GABRB1: variants seen among roughly 807,000 people sequenced by gnomAD.
GABRB1 encodes gamma-aminobutyric acid type A receptor subunit beta1.
GABRB1 carries 17 observed loss-of-function variants against 51.6 expected under a neutral mutation model. The ratio of observed to expected loss-of-function variants is 0.33; its 90% CI spans 0.23 to 0.49. The LOEUF is 0.49. Ranked by LOEUF, GABRB1 falls within the 20% of genes least tolerant of loss-of-function variation. The probability of loss-of-function intolerance (pLI) is 0.99; values close to 1 mark genes in which losing one functional copy is unlikely to be tolerated. For synonymous variants in GABRB1, 247 were observed against 218.9 expected, an observed-to-expected ratio of 1.13 and a Z score of -1.14; for missense variants, 410 against 600.6, an observed-to-expected ratio of 0.68 and a Z score of 3.32.
chr4:47,133,995 T>C (rs572837251), intron 3 of GABRB1, among the ~76,000 whole-genome samples: 2 of 152,342 alleles, frequency 1.3e-5, no homozygotes, highest in South Asian at 2.1e-4. Flanking sequence ...AAAATACTAA[T>C]CTTTCATTTT....
At chr4:47,190,804 A>G (rs1173156802) in intron 4 of GABRB1, among the ~76,000 whole-genome samples, 1 of 152,118 alleles carries the variant, frequency 6.6e-6, no homozygotes, top group African/African-American at 2.4e-5. Flanking sequence ...GTGGGGCCTG[A>G]GATCGTAGGG....
At chr4:47,161,608 A>G (rs540477833) in intron 4 of GABRB1, 139 bp downstream of exon 4, 1 of 663,934 alleles carries the variant, frequency 1.5e-6, no homozygotes, top group Admixed American at 2.9e-5. Context: ...ATGAAGGTCT[A>G]TTACAAACCC....
At chr4:47,322,979 C>CAA (rs1725138608) in intron 5 of GABRB1, among the ~76,000 whole-genome samples, 1 of 151,272 alleles carries the variant, frequency 6.6e-6, no homozygotes, top group South Asian at 2.1e-4. Flanking sequence ...AAAACAACAA[C>CAA]AACAACAACA....
At chr4:47,202,541 T>C (rs916441350) in intron 4 of GABRB1, among the ~76,000 whole-genome samples, 2 of 152,208 alleles carry the variant, frequency 1.3e-5, no homozygotes, top group African/African-American at 4.8e-5. Flanking sequence ...TAATCCACTT[T>C]GAGTTTTACA....
intron 3 of GABRB1, among the ~76,000 whole-genome samples, chr4:47,123,927 A>G (rs1376951269): frequency 9.1e-6 from 1 of 109,826 alleles, no homozygotes; most frequent in Non-Finnish European, 1.7e-5. Context: ...TATGATATAT[A>G]ATATATTATA....
chr4:47,164,153 G>A (rs1442096), intron 4 of GABRB1, among the ~76,000 whole-genome samples: 102,547 of 151,816 alleles, frequency 0.68, 35,246 homozygotes, highest in Middle Eastern at 0.83. Context: ...CTCCCACCGG[G>A]CCCTCCCTTG....
chr4:47,203,506 G>A (rs1273216456), intron 4 of GABRB1, among the ~76,000 whole-genome samples: 1 of 152,092 alleles, frequency 6.6e-6, no homozygotes, highest in Non-Finnish European at 1.5e-5. Context: ...TGATAGAGTA[G>A]GGGTAGTAGG....
At chr4:47,302,979 T>C (rs551007066) in intron 4 of GABRB1, among the ~76,000 whole-genome samples, 3 of 152,162 alleles carry the variant, frequency 2.0e-5, no homozygotes, top group East Asian at 1.9e-4. Flanking sequence ...AGTACATTTT[T>C]TAACTTTAAC....
At chr4:47,183,345 CATATATAT>C (rs57840134) in intron 4 of GABRB1, among the ~76,000 whole-genome samples, 1,444 of 124,356 alleles carry the variant, frequency 0.012, 17 homozygotes, top group East Asian at 0.073. Context: ...TGTGTGTGTG[CATATATAT>C]ATATATATAT....
chr4:47,410,951 T>C (rs1261466206), intron 8 of GABRB1, among the ~76,000 whole-genome samples: 1 of 152,214 alleles, frequency 6.6e-6, no homozygotes, highest in Admixed American at 6.5e-5. Context: ...CCACATATTC[T>C]GGATGATATG....
At chr4:47,299,838 C>G (rs1315267197) in intron 4 of GABRB1, among the ~76,000 whole-genome samples, 1 of 151,900 alleles carries the variant, frequency 6.6e-6, no homozygotes, top group African/African-American at 2.4e-5. Context: ...TTGGAACCAA[C>G]CCAAATGTCC....
At chr4:47,195,270 G>A (rs1332950265) in intron 4 of GABRB1, among the ~76,000 whole-genome samples, 1 of 152,136 alleles carries the variant, frequency 6.6e-6, no homozygotes, top group Non-Finnish European at 1.5e-5. Flanking sequence ...GGGAGAGTGA[G>A]GCAGGAGAAT....
intron 4 of GABRB1, among the ~76,000 whole-genome samples, chr4:47,293,908 G>T (rs1332684285): frequency 2.0e-5 from 3 of 152,110 alleles, no homozygotes; most frequent in African/African-American, 7.2e-5. Flanking sequence ...CTGACTAGCA[G>T]AACTTATGAA....
intron 5 of GABRB1, among the ~76,000 whole-genome samples, chr4:47,349,247 CAG>C (rs1726219668): frequency 6.6e-6 from 1 of 151,946 alleles, no homozygotes; most frequent in Non-Finnish European, 1.5e-5. Context: ...GGAGGTGACA[CAG>C]GGTAAGGAAG....
intron 3 of GABRB1, among the ~76,000 whole-genome samples, chr4:47,073,041 A>G (rs1727404338): frequency 6.6e-6 from 1 of 152,220 alleles, no homozygotes; most frequent in Admixed American, 6.5e-5. Context: ...AAAACCTATT[A>G]AAACACAAAT....
At chr4:47,348,861 G>T (rs1173322456) in intron 5 of GABRB1, among the ~76,000 whole-genome samples, 1 of 152,222 alleles carries the variant, frequency 6.6e-6, no homozygotes, top group Non-Finnish European at 1.5e-5. Context: ...AATAATGCTA[G>T]CTTGGACCAG....
Position 47,184,784 on chromosome 4 carries a change from G to A in GABRB1, c.461+23315G>A, listed in dbSNP as rs186987463. 2.2e-4 allele frequency among the ~76,000 whole-genome samples: 33 copies of A among 151,906 alleles called. No individual in the cohort carries two copies. The East Asian group carries it at 3.7e-3, about 17-fold the overall frequency. On this transcript the variant is annotated intron_variant, in intron 4 of 8. Coordinates refer to ENST00000295454, the MANE Select transcript of GABRB1 (RefSeq NM_000812.4). ...CCAGGCTGTCCACCTCAACCTTCAC[G>A]GAAATACGCCTGAATTTTATAGCCT... is the stretch of plus-strand genomic sequence containing the variant.
intron 3 of GABRB1, among the ~76,000 whole-genome samples, chr4:47,152,652 A>G (rs1012914596): frequency 1.3e-5 from 2 of 151,832 alleles, no homozygotes; most frequent in African/African-American, 4.8e-5. Flanking sequence ...TGGCACCTCT[A>G]TGTGCATGCG....
intron 3 of GABRB1, among the ~76,000 whole-genome samples, chr4:47,037,246 G>A (rs894221629): frequency 1.3e-5 from 2 of 152,182 alleles, no homozygotes; most frequent in Non-Finnish European, 2.9e-5. Context: ...CCACTGAGGA[G>A]CTAGCAATAA....
Sources: gnomAD v4.1 joint callset for allele counts (sites outside exome capture counted in the v4.1 genomes callset) on GRCh38, gnomAD v4.1.1 for gene constraint, MANE v1.5 for transcripts, NCBI Gene and HGNC (gene_info 2026-07-23, HGNC 2026-07-21) for gene names.